Variants in DNAJC5 observed in about 807,000 individuals in gnomAD.
DNAJC5 encodes DnaJ heat shock protein family (Hsp40) member C5.
DNAJC5 carries 1 observed loss-of-function variant against 23.2 expected under a neutral mutation model. The ratio of observed to expected loss-of-function variants is 0.04; its 90% CI spans 0.02 to 0.20. DNAJC5 has a LOEUF of 0.20. DNAJC5 is among the 10% of genes least tolerant of loss of function. The probability of loss-of-function intolerance (pLI) is 1.00; values close to 1 mark genes in which losing one functional copy is unlikely to be tolerated. For synonymous variants in DNAJC5, 136 were observed against 120.0 expected, an observed-to-expected ratio of 1.13 and a Z score of -0.87; for missense variants, 180 against 267.0, an observed-to-expected ratio of 0.67 and a Z score of 2.27.
chr20:63,916,840 A>G (rs751036879), intron 1 of DNAJC5, among the ~76,000 whole-genome samples: 5 of 152,134 alleles, frequency 3.3e-5, no homozygotes, highest in Non-Finnish European at 7.4e-5. Context: ...TATCTTCCCT[A>G]CTTGCACGTC....
rs148351357 is a variant in DNAJC5, at chr20:63,912,469, C to T, written c.-11-15866C>T. On this transcript the variant is annotated intron_variant, in intron 1 of 4. Transcript: ENST00000360864. The stretch of plus-strand genomic sequence containing the variant: ...ATAATATCTATTCCAAATAAAAATC[C>T]AGAAATACACATTCAAACTGTGGGG... Among the ~76,000 whole-genome samples, 1,021 of 152,004 alleles carry T rather than the reference C, an allele frequency of 6.7e-3. 8 individuals are homozygous for T. The highest frequency in any genetic ancestry group is 0.022 in the African/African-American group (912 of 41,440).
At chr20:63,903,230 T>C (rs1600860544) in intron 1 of DNAJC5, among the ~76,000 whole-genome samples, 1 of 152,186 alleles carries the variant, frequency 6.6e-6, no homozygotes, top group South Asian at 2.1e-4. Flanking sequence ...CCCAAGGTGG[T>C]GCATGCCTAC....
rs370468329 is a variant in DNAJC5 at position 63,929,262 on chromosome 20, C to T, written c.108-50C>T. On this transcript the variant is annotated intron_variant, in intron 2 of 4. Coordinates refer to ENST00000360864, the MANE Select transcript of DNAJC5 (RefSeq NM_025219.3). This position sits in a 1 kb window ranked among gnomAD's most constrained non-coding sequence, Gnocchi z 8.6. ...GGTGGGATGGACGCGGCGGCGGGTG[C>T]GGGTGGAACAAAGTCCAGGGTAGAG... 77 of 1,576,406 alleles carry T rather than the reference C, an allele frequency of 4.9e-5. No individual in the cohort carries two copies. The highest frequency in any genetic ancestry group is 4.7e-4 in the East Asian group (20 of 42,374).
chr20:63,923,455 T>C (rs986414034), intron 1 of DNAJC5, among the ~76,000 whole-genome samples: 2 of 148,440 alleles, frequency 1.3e-5, no homozygotes, highest in African/African-American at 5.0e-5. Flanking sequence ...AAAAAAAAAT[T>C]AGGCTGGGTA....
chr20:63,926,792 G>T (rs970768584), intron 1 of DNAJC5, among the ~76,000 whole-genome samples: 1 of 152,296 alleles, frequency 6.6e-6, no homozygotes, highest in East Asian at 1.9e-4. Context: ...GCTTCATGGA[G>T]CCCCCAGCTC....
intron 1 of DNAJC5, among the ~76,000 whole-genome samples, chr20:63,896,341 G>A (rs2053375395): frequency 6.6e-6 from 1 of 152,174 alleles, no homozygotes; most frequent in Admixed American, 6.5e-5. Context: ...AGGGCTTTGG[G>A]GAAGTTTCGG....
Position 63,934,564 on chromosome 20 carries a change from G to A in DNAJC5, c.*2996G>A, listed in dbSNP as rs573120224. On this transcript the variant is annotated 3_prime_UTR_variant, in exon 5 of 5. Transcript: ENST00000360864. ...GGAGCGGCCCTGCGGGCCCTTTCAC[G>A]GCAGCTGCTGCTGTATAGATTTGTC... The A allele has an allele frequency of 9.2e-5, 14 of 152,280 alleles. No homozygotes were observed. Among genetic ancestry groups the A allele is most frequent in the East Asian group, 1.9e-4 (1 of 5,202 alleles). The allele number at this position is 152,280 out of a possible 1,614,324, so 9.4% of individuals were successfully genotyped here. A position where few individuals can be genotyped will look rare whatever the true frequency, so the allele number is the denominator to read the frequency against.
chr20:63,914,951 C>T (rs1237945608), intron 1 of DNAJC5, among the ~76,000 whole-genome samples: 1 of 152,156 alleles, frequency 6.6e-6, no homozygotes, highest in African/African-American at 2.4e-5. Context: ...TTGGAAATGG[C>T]CTCAGATAAT....
intron 1 of DNAJC5, among the ~76,000 whole-genome samples, chr20:63,926,170 G>A (rs986669771): frequency 6.6e-6 from 1 of 152,144 alleles, no homozygotes; most frequent in Non-Finnish European, 1.5e-5. Context: ...ATTAACAGAT[G>A]CAGGCCTATT....
chr20:63,931,032 C>G lies in DNAJC5; in HGVS notation c.493+10C>G. ...CAGTCTGACGAGAGGGGTGAGTGCC[C>G]GCCCCAGGGCCCGTGTGTGTGTGTG... On this transcript the variant is annotated intron_variant, in intron 4 of 4. Coordinates refer to ENST00000360864, the MANE Select transcript of DNAJC5 (RefSeq NM_025219.3). The surrounding 1 kb of genome is among the most constrained non-coding windows in gnomAD (Gnocchi z 9.6). The G allele has an allele frequency of 6.2e-7, 1 of 1,613,284 alleles. No individual in the cohort carries two copies. The highest frequency in any genetic ancestry group is 8.5e-7 in the Non-Finnish European group (1 of 1,179,700).
chr20:63,915,232 G>A (rs1366239019), intron 1 of DNAJC5, among the ~76,000 whole-genome samples: 1 of 152,116 alleles, frequency 6.6e-6, no homozygotes, highest in African/African-American at 2.4e-5. Context: ...GGACCTTAGG[G>A]TCAGGAAGGA....
chr20:63,909,698 G>A, intron 1 of DNAJC5, among the ~76,000 whole-genome samples: 1 of 152,176 alleles, frequency 6.6e-6, no homozygotes, highest in East Asian at 1.9e-4. Flanking sequence ...GAAAAAGAAA[G>A]AAAAAAGTCT....
Position 63,929,262 on chromosome 20 carries a change from C to G in DNAJC5, c.108-50C>G. The G allele has an allele frequency of 6.3e-7, 1 of 1,576,410 alleles. No homozygotes were observed. The highest frequency in any genetic ancestry group is 8.6e-7 in the Non-Finnish European group (1 of 1,160,444). On this transcript the variant is annotated intron_variant, in intron 2 of 4. Transcript: ENST00000360864. The surrounding 1 kb of genome is among the most constrained non-coding windows in gnomAD (Gnocchi z 8.6). ...GGTGGGATGGACGCGGCGGCGGGTG[C>G]GGGTGGAACAAAGTCCAGGGTAGAG...
intron 1 of DNAJC5, among the ~76,000 whole-genome samples, chr20:63,912,504 T>TTTTAACTGTGTTCCAAGTCCC (rs1179634795): frequency 7.2e-5 from 11 of 152,214 alleles, no homozygotes; most frequent in Non-Finnish European, 1.3e-4. Flanking sequence ...GCTTTTACCC[T>TTTTAACTGTGTTCCAAGTCCC]TTTAACTGTG....
intron 1 of DNAJC5, among the ~76,000 whole-genome samples, chr20:63,913,637 C>T (rs113273998): frequency 2.6e-5 from 4 of 151,850 alleles, no homozygotes; most frequent in Non-Finnish European, 5.9e-5. Flanking sequence ...GCAGTGGTGC[C>T]ATCTTGGCTC....
Position 63,928,503 on chromosome 20 carries a change from C to G in DNAJC5, c.107+51C>G, listed in dbSNP as rs1208086328. The G allele has an allele frequency of 6.8e-7, 1 of 1,476,814 alleles. No homozygotes were observed. The highest frequency in any genetic ancestry group is 1.7e-5 in the Admixed American group (1 of 59,392). The allele number at this position is 1,476,814 out of a possible 1,614,324, so 91.5% of individuals were successfully genotyped here. Reference sequence around the variant, plus strand: ...ATCCCCCCAGGAAGACACACATGCCCCGTGTGGTTTAGTCTGCATTTTACC... The same window carrying G: ...ATCCCCCCAGGAAGACACACATGCCGCGTGTGGTTTAGTCTGCATTTTACC... On this transcript the variant is annotated intron_variant, in intron 2 of 4. Transcript: ENST00000360864. The surrounding 1 kb of genome is among the most constrained non-coding windows in gnomAD (Gnocchi z 4.6).
intron 1 of DNAJC5, among the ~76,000 whole-genome samples, chr20:63,923,471 G>C (rs1275513797): frequency 6.6e-6 from 1 of 151,460 alleles, no homozygotes; most frequent in Non-Finnish European, 1.5e-5. Flanking sequence ...GGGTAGGGTG[G>C]CTCACACCTG....
Position 63,933,681 on chromosome 20 carries a change from A to G in DNAJC5, c.*2113A>G, listed in dbSNP as rs1357427216. On this transcript the variant is annotated 3_prime_UTR_variant, in exon 5 of 5. Transcript: ENST00000360864. Reference sequence around the variant, plus strand: ...ATGCTGGCTGTACTCAGCCTTTGCAATTTTTGTAGATGTAGCTTAGGACGT... The same window carrying G: ...ATGCTGGCTGTACTCAGCCTTTGCAGTTTTTGTAGATGTAGCTTAGGACGT... The G allele has an allele frequency of 6.6e-6, 1 of 152,256 alleles. No homozygotes were observed. The highest frequency in any genetic ancestry group is 2.1e-4 in the South Asian group (1 of 4,822). 9.4% of individuals were successfully genotyped at this position (152,256 alleles called of 1,614,324 possible). A position where few individuals can be genotyped will look rare whatever the true frequency, so the allele number is the denominator to read the frequency against.
rs1049694658 is a variant in DNAJC5 at position 63,931,696 on chromosome 20, G to C, written c.*128G>C. Reference sequence around the variant, plus strand: ...CCCTGGCCTTGCTGGGGCCCCTCCTGCCTCCACGCCCACCCAGCGTCGACC... The same window carrying C: ...CCCTGGCCTTGCTGGGGCCCCTCCTCCCTCCACGCCCACCCAGCGTCGACC... On this transcript the variant is annotated 3_prime_UTR_variant, in exon 5 of 5. Transcript: ENST00000360864. The surrounding 1 kb of genome is among the most constrained non-coding windows in gnomAD (Gnocchi z 9.6). 2.5e-5 allele frequency: 23 copies of C among 907,836 alleles called. No homozygotes were observed. The highest frequency in any genetic ancestry group is 3.7e-5 in the Non-Finnish European group (21 of 574,370). 56.2% of individuals were successfully genotyped at this position (907,836 alleles called of 1,614,324 possible).
Sources: allele counts gnomAD v4.1 joint callset (sites outside exome capture counted in the v4.1 genomes callset), GRCh38; gene constraint gnomAD v4.1.1; non-coding constraint Gnocchi (gnomAD v3.1); transcripts MANE v1.5; gene names NCBI Gene and HGNC (gene_info 2026-07-23, HGNC 2026-07-21).